The following SEPTIN9 variants were observed in gnomAD, a reference collection of about 807,000 sequenced individuals.
SEPTIN9 encodes the protein septin-9.
SEPTIN9 carries 13 observed loss-of-function variants against 56.6 expected under a neutral mutation model. That is an observed-to-expected ratio of 0.23 (90% CI 0.15 to 0.37). SEPTIN9 has a LOEUF of 0.37. Ranked by LOEUF, SEPTIN9 falls within the 10% of genes least tolerant of loss-of-function variation. The probability of loss-of-function intolerance (pLI) is 1.00; values close to 1 mark genes in which losing one functional copy is unlikely to be tolerated. For missense variants in SEPTIN9, 650 were observed against 823.1 expected (o/e 0.79, Z 2.57); for synonymous variants, 332 against 334.1 (o/e 0.99, Z 0.07).
intron 2 of SEPTIN9, among the ~76,000 whole-genome samples, chr17:77,309,177 C>T (rs926941276): frequency 1.3e-5 from 2 of 152,272 alleles, no homozygotes; most frequent in African/African-American, 4.8e-5. Context: ...ACCTGGCACC[C>T]TGGGCTGCAT....
Position 77,415,674 on chromosome 17 carries a change from T to C in SEPTIN9, c.721+12971T>C, listed in dbSNP as rs548011505. 5.3e-4 allele frequency among the ~76,000 whole-genome samples: 80 copies of C among 150,962 alleles called. 2 individuals carry two copies. The South Asian group carries it at 0.013, about 25-fold the overall frequency. On this transcript the variant is annotated intron_variant, in intron 3 of 11. Transcript: ENST00000427177. Reference sequence around the variant, plus strand: ...AAAAAAGAAATCTCCAGTGCTGCCCTGTGCCCGGCACCGAAGCCGAGGGAA... The same window carrying C: ...AAAAAAGAAATCTCCAGTGCTGCCCCGTGCCCGGCACCGAAGCCGAGGGAA...
At chr17:77,443,996 A>G (rs1338462306) in intron 3 of SEPTIN9, among the ~76,000 whole-genome samples, 2 of 152,094 alleles carry the variant, frequency 1.3e-5, no homozygotes, top group Non-Finnish European at 2.9e-5. Flanking sequence ...ATAAGAGTCA[A>G]GGTCTCCAAG....
At position 77,319,587 on chromosome 17, in the gene SEPTIN9, G is replaced by A; in HGVS notation, c.76+12390G>A. On this transcript the variant is annotated intron_variant, in intron 2 of 11. Coordinates refer to ENST00000427177, the MANE Select transcript of SEPTIN9 (RefSeq NM_001113491.2). This position sits in a 1 kb window ranked among gnomAD's most constrained non-coding sequence, Gnocchi z 5.3. ...GGGTTCCTCCTGGGCAGGTGCTCCG[G>A]AACCTTTTCTCAGCACGCTGGCCTG... is the stretch of plus-strand genomic sequence containing the variant. 1 of 1,060,206 alleles carries A rather than the reference G, an allele frequency of 9.4e-7. No individual in the cohort carries two copies. Among genetic ancestry groups the A allele is most frequent in the Non-Finnish European group, 1.1e-6 (1 of 876,148 alleles). The allele number at this position is 1,060,206 out of a possible 1,614,324, so 65.7% of individuals were successfully genotyped here.
At chr17:77,401,067 G>A (rs781767288) in intron 2 of SEPTIN9, among the ~76,000 whole-genome samples, 19 of 152,210 alleles carry the variant, frequency 1.2e-4, no homozygotes, top group Non-Finnish European at 2.9e-5. Flanking sequence ...TGTGGACTAA[G>A]CTGGGGGAGC....
chr17:77,459,997 A>G (rs1361463035), intron 3 of SEPTIN9, among the ~76,000 whole-genome samples: 1 of 152,096 alleles, frequency 6.6e-6, no homozygotes, highest in Non-Finnish European at 1.5e-5. Context: ...TATAGCAATC[A>G]GATCTCCCGG....
chr17:77,323,262 T>G lies in SEPTIN9; in HGVS notation c.76+16065T>G, dbSNP rs2033008480. Among the ~76,000 whole-genome samples, 1 of 152,046 alleles carries G rather than the reference T, an allele frequency of 6.6e-6. No individual in the cohort carries two copies. Among genetic ancestry groups the G allele is most frequent in the Admixed American group, 6.5e-5 (1 of 15,280 alleles). On this transcript the variant is annotated intron_variant, in intron 2 of 11. Transcript: ENST00000427177. The surrounding 1 kb of genome is among the most constrained non-coding windows in gnomAD (Gnocchi z 6.8). The stretch of plus-strand genomic sequence containing the variant: ...CCGGCATGAGTCATGGAGTGGTGAC[T>G]GGCCGCTGAGGCATGGAAGGCCACT...
chr17:77,394,127 G>A (rs574036819), intron 2 of SEPTIN9, among the ~76,000 whole-genome samples: 91 of 152,296 alleles, frequency 6.0e-4, no homozygotes, highest in African/African-American at 2.1e-3. Context: ...ATAAATAGGA[G>A]GTGAAGGAGC....
chr17:77,472,816 T>G (rs1394866068), intron 3 of SEPTIN9: 1 of 152,184 alleles, frequency 6.6e-6, no homozygotes, highest in Non-Finnish European at 1.5e-5. Context: ...GAAGTGTAAT[T>G]TGATTTGGAG....
At chr17:77,291,283 C>T (rs1236813616) in intron 1 of SEPTIN9, among the ~76,000 whole-genome samples, 1 of 150,938 alleles carries the variant, frequency 6.6e-6, no homozygotes, top group African/African-American at 2.4e-5. Flanking sequence ...ATCCACCTGC[C>T]TTGGCCTCCC....
Position 77,482,202 on chromosome 17 carries a change from G to A in SEPTIN9, c.780G>A (p.Gly260=). The A allele has an allele frequency of 1.9e-6, 3 of 1,610,866 alleles. No homozygotes were observed. The highest frequency in any genetic ancestry group is 1.7e-5 in the Admixed American group (1 of 59,664). ...GDMADTPRDA[G]LKQAPASRNE... Reference sequence around the variant, plus strand: ...TGGCCGACACCCCCAGAGATGCCGGGCTCAAGCAGGCGCCTGCATCACGGA... The same window carrying A: ...TGGCCGACACCCCCAGAGATGCCGGACTCAAGCAGGCGCCTGCATCACGGA... The change falls in exon 4 of 12, where the codon GGG becomes GGA. Residue 260 remains glycine (G), a synonymous_variant. Coordinates refer to ENST00000427177, the MANE Select transcript of SEPTIN9 (RefSeq NM_001113491.2).
chr17:77,395,294 G>A (rs2035669599), intron 2 of SEPTIN9, among the ~76,000 whole-genome samples: 2 of 152,042 alleles, frequency 1.3e-5, no homozygotes, highest in African/African-American at 2.4e-5. Flanking sequence ...TTGGGAGGCC[G>A]AGGCAGGCGG....
rs2037329062 is a variant in SEPTIN9, at chr17:77,436,152, G to T, written c.721+33449G>T. On this transcript the variant is annotated intron_variant, in intron 3 of 11. Coordinates refer to ENST00000427177, the MANE Select transcript of SEPTIN9 (RefSeq NM_001113491.2). The surrounding 1 kb of genome is among the most constrained non-coding windows in gnomAD (Gnocchi z 4.4). ...CTGGTTGGGGAGTGTGAGGATGCCTGCTGGAAGCCAACGTGCACGAAAGAG... is the reference window on the plus strand; with the variant it reads ...CTGGTTGGGGAGTGTGAGGATGCCTTCTGGAAGCCAACGTGCACGAAAGAG... Among the ~76,000 whole-genome samples the T allele has an allele frequency of 6.6e-6, 1 of 152,190 alleles. No individual in the cohort carries two copies. Among genetic ancestry groups the T allele is most frequent in the Non-Finnish European group, 1.5e-5 (1 of 68,034 alleles).
intron 2 of SEPTIN9, among the ~76,000 whole-genome samples, chr17:77,349,233 C>T (rs879207438): frequency 6.6e-6 from 1 of 152,198 alleles, no homozygotes; most frequent in South Asian, 2.1e-4. Context: ...TCTCCTGCCT[C>T]AGCCTCCCAA....
At chr17:77,496,634 C>T (rs1481170456) in intron 10 of SEPTIN9, among the ~76,000 whole-genome samples, 1 of 152,260 alleles carries the variant, frequency 6.6e-6, no homozygotes, top group Admixed American at 6.5e-5. Context: ...CCCGTGGTCT[C>T]CTGCCCAGTC....
In SEPTIN9 at chr17:77,475,199, T is replaced by C. The variant is rs946880134; in HGVS notation, c.722-6945T>C. On this transcript the variant is annotated intron_variant, in intron 3 of 11. Coordinates refer to ENST00000427177, the MANE Select transcript of SEPTIN9 (RefSeq NM_001113491.2). The surrounding 1 kb of genome is among the most constrained non-coding windows in gnomAD (Gnocchi z 4.6). The stretch of plus-strand genomic sequence containing the variant: ...GAGGTGTCTGGCTTCACAAACCCTG[T>C]GTGGGGGGGTTGTGGTGAGAGGAAA... 8.3e-7 allele frequency: 1 copy of C among 1,209,228 alleles called. No individual in the cohort carries two copies. The allele number at this position is 1,209,228 out of a possible 1,614,324, so 74.9% of individuals were successfully genotyped here.
intron 2 of SEPTIN9, among the ~76,000 whole-genome samples, chr17:77,398,115 A>G (rs1380722118): frequency 6.6e-6 from 1 of 152,074 alleles, no homozygotes; most frequent in Non-Finnish European, 1.5e-5. Context: ...CTGGGATTAC[A>G]GGCATATGCC....
At position 77,371,581 on chromosome 17, in the gene SEPTIN9, C is replaced by A. The variant is rs2034720685; in HGVS notation, c.77-30478C>A. ...GGGCTGAGTTTCTTAGGTACTGGAC[C>A]CCCAAATCCCCAAATACGGCGTGGA... On this transcript the variant is annotated intron_variant, in intron 2 of 11. Transcript: ENST00000427177. This position sits in a 1 kb window ranked among gnomAD's most constrained non-coding sequence, Gnocchi z 4.1. 2.0e-5 allele frequency among the ~76,000 whole-genome samples: 3 copies of A among 152,302 alleles called. No homozygotes were observed. The South Asian group carries it at 6.2e-4, about 32-fold the overall frequency.
Position 77,475,200 on chromosome 17 carries a change from G to GT in SEPTIN9, c.722-6943dup, listed in dbSNP as rs1297350527. ...AGGTGTCTGGCTTCACAAACCCTGT[G>GT]TGGGGGGGTTGTGGTGAGAGGAAAC... On this transcript the variant is annotated intron_variant, in intron 3 of 11. Transcript: ENST00000427177. This position sits in a 1 kb window ranked among gnomAD's most constrained non-coding sequence, Gnocchi z 4.6. The GT allele has an allele frequency of 3.3e-6, 4 of 1,225,338 alleles. No homozygotes were observed. The highest frequency in any genetic ancestry group is 4.0e-5 in the Admixed American group (1 of 24,912). 75.9% of individuals were successfully genotyped at this position (1,225,338 alleles called of 1,614,324 possible).
At chr17:77,312,322 G>A (rs1049215269) in intron 2 of SEPTIN9, among the ~76,000 whole-genome samples, 2 of 152,042 alleles carry the variant, frequency 1.3e-5, no homozygotes, top group Admixed American at 6.6e-5. Flanking sequence ...CTTAGTTTCC[G>A]CCCCCAAAGC....
Sources: gnomAD v4.1 joint callset for allele counts (sites outside exome capture counted in the v4.1 genomes callset) on GRCh38, gnomAD v4.1.1 for gene constraint, Gnocchi (gnomAD v3.1) non-coding constraint, MANE v1.5 for transcripts, NCBI Gene and HGNC (gene_info 2026-07-23, HGNC 2026-07-21) for gene names.